Variants in ANGPTL5 observed in about 807,000 individuals in gnomAD.
ANGPTL5 encodes the protein angiopoietin like 5, also known as angiopoietin-related protein 5.
Under a neutral mutation model 39.4 loss-of-function variants are expected in ANGPTL5, and 34 were observed. The ratio of observed to expected loss-of-function variants is 0.86; its 90% CI spans 0.66 to 1.15. ANGPTL5 has a LOEUF of 1.15. ANGPTL5 is among the 50% of genes most tolerant of loss of function. ANGPTL5 has a pLI of 0.00. For synonymous variants in ANGPTL5, 146 were observed against 152.1 expected, an observed-to-expected ratio of 0.96 and a Z score of 0.29; for missense variants, 467 against 457.5, an observed-to-expected ratio of 1.02 and a Z score of -0.19.
chr11:101,904,049 G>C (rs995834399), intron 5 of ANGPTL5, among the ~76,000 whole-genome samples: 41 of 152,066 alleles, frequency 2.7e-4, no homozygotes, highest in Admixed American at 2.7e-3. Context: ...TGAAACCAAG[G>C]AGTCTGACAT....
intron 6 of ANGPTL5, among the ~76,000 whole-genome samples, chr11:101,901,595 T>A (rs570994025): frequency 2.8e-4 from 43 of 152,236 alleles, no homozygotes; most frequent in Non-Finnish European, 2.5e-4. Context: ...GTGGAGGAAG[T>A]TAAGGAACCA....
rs773138792 is a variant in ANGPTL5 at position 101,891,291 on chromosome 11, T to C, written c.1155A>G (p.Pro385=). Residue 385 remains proline, a synonymous_variant, in exon 9 of 9, where the codon CCA becomes CCG. Transcript: ENST00000334289. ...VSMKIRRMYN[P]YFK Reference sequence around the variant, plus strand: ...ATGTTAAATGAGATTATTTAAAATATGGATTGTACATTCTTCTAATTTTCA... The same window carrying C: ...ATGTTAAATGAGATTATTTAAAATACGGATTGTACATTCTTCTAATTTTCA... 1.2e-6 allele frequency: 2 copies of C among 1,606,892 alleles called. No homozygotes were observed. The highest frequency in any genetic ancestry group is 2.7e-5 in the African/African-American group (2 of 74,748).
Position 101,891,131 on chromosome 11 carries a change from G to A in ANGPTL5, c.*148C>T. On this transcript the variant is annotated 3_prime_UTR_variant, in exon 9 of 9. Transcript: ENST00000334289. ...TTCTTTTATAGAATACTACAAAATT[G>A]AAGTTTTCTAATTAAACTCATAACA... The A allele has an allele frequency of 1.5e-6, 1 of 662,754 alleles. No homozygotes were observed. The highest frequency in any genetic ancestry group is 2.4e-6 in the Non-Finnish European group (1 of 411,304). 41.1% of individuals were successfully genotyped at this position (662,754 alleles called of 1,614,324 possible).
Position 101,908,460 on chromosome 11 carries a change from C to G in ANGPTL5, c.-92-459G>C, listed in dbSNP as rs186047712. On this transcript the variant is annotated intron_variant, in intron 1 of 8. Transcript: ENST00000334289. ...AGGTGGACATCCAGAGCAGATAATT[C>G]AGACTTAAAATATACTTTTAAAATG... Among the ~76,000 whole-genome samples, 580 of 152,216 alleles carry G rather than the reference C, an allele frequency of 3.8e-3. 5 individuals are homozygous for G. The highest frequency in any genetic ancestry group is 0.013 in the African/African-American group (553 of 41,544).
intron 1 of ANGPTL5, among the ~76,000 whole-genome samples, chr11:101,909,964 T>C (rs559584457): frequency 6.6e-6 from 1 of 152,316 alleles, no homozygotes; most frequent in South Asian, 2.1e-4. Context: ...GGCAATCACA[T>C]GATTCCTCTA....
intron 1 of ANGPTL5, chr11:101,915,460 G>A: frequency 6.4e-7 from 1 of 1,570,472 alleles, no homozygotes; most frequent in Non-Finnish European, 8.7e-7. Flanking sequence ...TTGAAAACGG[G>A]GCCCATCTTT....
rs1446531284 is a variant in ANGPTL5, at chr11:101,907,263, T to A, written c.97-16A>T. On this transcript the variant is annotated splice_polypyrimidine_tract_variant and intron_variant, in intron 2 of 8. Transcript: ENST00000334289. Reference sequence around the variant, plus strand: ...CTGAAGAGTCCTTTATATTAAAAAATAGAAATAAGAAAAAAATACATTAAA... The same window carrying A: ...CTGAAGAGTCCTTTATATTAAAAAAAAGAAATAAGAAAAAAATACATTAAA... The A allele has an allele frequency of 7.2e-7, 1 of 1,388,124 alleles. No individual in the cohort carries two copies. Among genetic ancestry groups the A allele is most frequent in the South Asian group, 1.3e-5 (1 of 74,900 alleles). The allele number at this position is 1,388,124 out of a possible 1,614,324, so 86.0% of individuals were successfully genotyped here. A position where few individuals can be genotyped will look rare whatever the true frequency, so the allele number is the denominator to read the frequency against.
chr11:101,900,062 G>A (rs1256788772), intron 7 of ANGPTL5, among the ~76,000 whole-genome samples: 1 of 152,158 alleles, frequency 6.6e-6, no homozygotes, highest in Non-Finnish European at 1.5e-5. Context: ...GGCTTGTATA[G>A]ATACAACACA....
Position 101,900,390 on chromosome 11 carries a change from A to G in ANGPTL5, c.661+40T>C, listed in dbSNP as rs772578893. On this transcript the variant is annotated intron_variant, in intron 7 of 8. Coordinates refer to ENST00000334289, the MANE Select transcript of ANGPTL5 (RefSeq NM_178127.5). ...GAGGCTCTATAGATATAATATCAAA[A>G]AGAGTAAACAATGTAGAGTAGAAAT... is the stretch of plus-strand genomic sequence containing the variant. The G allele has an allele frequency of 1.9e-6, 3 of 1,593,588 alleles. No homozygotes were observed. The Admixed American group carries it at 5.0e-5, about 27-fold the overall frequency.
chr11:101,914,353 T>C (rs1404924147), intron 1 of ANGPTL5, among the ~76,000 whole-genome samples: 2 of 152,212 alleles, frequency 1.3e-5, no homozygotes, highest in Non-Finnish European at 2.9e-5. Context: ...ATCCATTTAA[T>C]TTTCCATACT....
chr11:101,909,690 T>C (rs942724031), intron 1 of ANGPTL5, among the ~76,000 whole-genome samples: 1 of 150,474 alleles, frequency 6.6e-6, no homozygotes, highest in African/African-American at 2.4e-5. Context: ...CAGTGGAAGA[T>C]GGAAAAAAAA....
chr11:101,901,417 G>A (rs962252427), intron 6 of ANGPTL5, among the ~76,000 whole-genome samples: 2 of 152,108 alleles, frequency 1.3e-5, no homozygotes, highest in Admixed American at 6.5e-5. Context: ...TTCAGAGAAA[G>A]GCATGATCTG....
At chr11:101,898,206 C>T (rs796916632) in intron 7 of ANGPTL5, among the ~76,000 whole-genome samples, 7 of 151,606 alleles carry the variant, frequency 4.6e-5, no homozygotes, top group African/African-American at 1.5e-4. Context: ...CTGGGCAACA[C>T]GAGTGAAACT....
At chr11:101,895,393 A>G (rs536096471) in intron 7 of ANGPTL5, among the ~76,000 whole-genome samples, 1 of 152,354 alleles carries the variant, frequency 6.6e-6, no homozygotes, top group Non-Finnish European at 1.5e-5. Flanking sequence ...TTTAAAGAAT[A>G]AAATAGAAAG....
Sources: gnomAD v4.1 joint callset for allele counts (sites outside exome capture counted in the v4.1 genomes callset) on GRCh38, gnomAD v4.1.1 for gene constraint, MANE v1.5 for transcripts, NCBI Gene and HGNC (gene_info 2026-07-23, HGNC 2026-07-21) for gene names.